The following RANBP2 variants were observed in gnomAD, a reference collection of about 807,000 sequenced individuals.
RANBP2 encodes the protein RAN binding protein 2, also known as E3 SUMO-protein ligase RanBP2.
In RANBP2, 57 loss-of-function variants were observed where a neutral mutation model predicts 303.6. The observed-to-expected ratio is 0.19, with a 90% CI of 0.15 to 0.23. The LOEUF is 0.23. Ranked by LOEUF, RANBP2 falls within the 10% of genes least tolerant of loss-of-function variation. The pLI, the probability that RANBP2 is intolerant of heterozygous loss-of-function variation, is 1.00. For synonymous variants in RANBP2, 1,167 were observed against 1,301.5 expected (o/e 0.90, Z 2.23); for missense variants, 3,138 against 3,780.8 (o/e 0.83, Z 4.46).
At chr2:109,215,184 G>C in the RANBP2 span, among the ~76,000 whole-genome samples, 1 of 152,138 alleles carries the variant, frequency 6.6e-6, no homozygotes, top group Non-Finnish European at 1.5e-5. Context: ...CTCAATTATG[G>C]AATAAGAAGT....
At chr2:108,738,074 G>C (rs1282091390) in intron 6 of RANBP2, among the ~76,000 whole-genome samples, 8 of 147,280 alleles carry the variant, frequency 5.4e-5, no homozygotes, top group Admixed American at 5.4e-4. Context: ...TGGCCAGGTT[G>C]GTCTCAATCT....
the RANBP2 span, among the ~76,000 whole-genome samples, chr2:109,469,165 A>T: frequency 1.2e-4 from 18 of 152,312 alleles, no homozygotes; most frequent in African/African-American, 4.3e-4. Flanking sequence ...CCCCTGCAGC[A>T]TTCCACAGCC....
chr2:109,251,462 A>C, the RANBP2 span: 59 of 731,070 alleles, frequency 8.1e-5, no homozygotes, highest in Non-Finnish European at 1.3e-4. Flanking sequence ...AAATCTATGG[A>C]CAAGAAGTTG....
the RANBP2 span, among the ~76,000 whole-genome samples, chr2:108,914,204 G>A: frequency 6.6e-6 from 1 of 150,546 alleles, no homozygotes; most frequent in African/African-American, 2.5e-5. Context: ...AGGTTGCAGT[G>A]AGCCGAGATC....
At chr2:109,380,322 C>T in the RANBP2 span, among the ~76,000 whole-genome samples, 3 of 152,134 alleles carry the variant, frequency 2.0e-5, no homozygotes, top group Non-Finnish European at 4.4e-5. Flanking sequence ...GTTTTGTCTC[C>T]CTAAGCCCCT....
At chr2:109,324,103 T>G in the RANBP2 span, among the ~76,000 whole-genome samples, 1 of 152,266 alleles carries the variant, frequency 6.6e-6, no homozygotes, top group Non-Finnish European at 1.5e-5. Flanking sequence ...TAGCATAATA[T>G]TTTCAAGGTT....
the RANBP2 span, among the ~76,000 whole-genome samples, chr2:109,482,291 A>G: frequency 6.6e-6 from 1 of 152,194 alleles, no homozygotes; most frequent in Non-Finnish European, 1.5e-5. Flanking sequence ...AGTAATAATT[A>G]TCATTATATT....
the RANBP2 span, among the ~76,000 whole-genome samples, chr2:109,279,794 G>A: frequency 3.6e-4 from 55 of 152,200 alleles, no homozygotes; most frequent in Non-Finnish European, 5.9e-4. Flanking sequence ...AGCCAGGCCG[G>A]GCAAGAAGAG....
At chr2:108,772,084 G>A (rs1205334656) in intron 21 of RANBP2, among the ~76,000 whole-genome samples, 3 of 152,212 alleles carry the variant, frequency 2.0e-5, no homozygotes, top group Admixed American at 6.5e-5. Context: ...TGGCTAATGT[G>A]CCAGGCACGT....
chr2:109,347,057 G>A, the RANBP2 span, among the ~76,000 whole-genome samples: 7 of 152,170 alleles, frequency 4.6e-5, no homozygotes, highest in East Asian at 1.9e-4. Context: ...TGAGTGGAAC[G>A]CTCAGCACGA....
At chr2:108,974,998 G>A in the RANBP2 span, among the ~76,000 whole-genome samples, 4 of 152,308 alleles carry the variant, frequency 2.6e-5, no homozygotes, top group Admixed American at 6.5e-5. Context: ...CAGCCATTCT[G>A]CAAGTCCCCT....
At chr2:109,422,598 C>T in the RANBP2 span, among the ~76,000 whole-genome samples, 7 of 95,220 alleles carry the variant, frequency 7.4e-5, no homozygotes, top group African/African-American at 2.4e-4. Context: ...CCCCTTTCCA[C>T]CCCCTGCTGT....
chr2:109,681,099 T>C, the RANBP2 span, among the ~76,000 whole-genome samples: 2 of 152,202 alleles, frequency 1.3e-5, no homozygotes, highest in African/African-American at 4.8e-5. Flanking sequence ...GCAGCTAGTG[T>C]GGACTAACTG....
chr2:109,113,238 T>C, the RANBP2 span, among the ~76,000 whole-genome samples: 3 of 152,238 alleles, frequency 2.0e-5, no homozygotes, highest in Non-Finnish European at 4.4e-5. Flanking sequence ...ATGGCCATTT[T>C]CACGATATTG....
At chr2:109,440,839 T>C in the RANBP2 span, among the ~76,000 whole-genome samples, 2 of 151,988 alleles carry the variant, frequency 1.3e-5, no homozygotes, top group South Asian at 4.1e-4. Flanking sequence ...CATATGAACA[T>C]GAGAAACGTA....
chr2:109,587,442 G>A, the RANBP2 span, among the ~76,000 whole-genome samples: 1 of 151,974 alleles, frequency 6.6e-6, no homozygotes, highest in Non-Finnish European at 1.5e-5. Context: ...AAAGAGAGAA[G>A]GTGAAAGTGG....
At chr2:109,142,060 G>T in the RANBP2 span, among the ~76,000 whole-genome samples, 1 of 151,642 alleles carries the variant, frequency 6.6e-6, no homozygotes, top group Non-Finnish European at 1.5e-5. Flanking sequence ...GGGGTCTCAG[G>T]TATGTGCCTA....
the RANBP2 span, among the ~76,000 whole-genome samples, chr2:109,492,023 G>A: frequency 2.0e-5 from 3 of 152,098 alleles, no homozygotes; most frequent in South Asian, 2.1e-4. Flanking sequence ...CAGGTTCTTC[G>A]TCAAGGGCCA....
chr2:109,060,422 C>T, the RANBP2 span, among the ~76,000 whole-genome samples: 1 of 152,146 alleles, frequency 6.6e-6, no homozygotes, highest in East Asian at 1.9e-4. Context: ...ATAGAACTTC[C>T]ATGGCCACAC....
Sources: gnomAD v4.1 joint callset for allele counts (sites outside exome capture counted in the v4.1 genomes callset) on GRCh38, gnomAD v4.1.1 for gene constraint, MANE v1.5 for transcripts, NCBI Gene and HGNC (gene_info 2026-07-23, HGNC 2026-07-21) for gene names.